FMNL2: variants seen among roughly 807,000 people sequenced by gnomAD.
FMNL2 encodes the protein formin like 2, also known as formin-like protein 2.
In FMNL2, 51 loss-of-function variants were observed where a neutral mutation model predicts 130.2. The observed-to-expected ratio is 0.39, with a 90% CI of 0.31 to 0.49. The LOEUF (loss-of-function observed/expected upper bound fraction) is 0.49, where lower values mean the gene tolerates loss of function less well. Among genes scored for constraint, FMNL2 ranks in the 20% least tolerant of loss-of-function variants. The pLI is 0.85. For synonymous variants in FMNL2, 465 were observed against 467.1 expected (o/e 1.00, Z 0.06); for missense variants, 977 against 1,316.2 (o/e 0.74, Z 3.99).
At chr2:152,426,789 A>T (rs1235732879) in intron 1 of FMNL2, among the ~76,000 whole-genome samples, 4 of 152,200 alleles carry the variant, frequency 2.6e-5, no homozygotes, top group African/African-American at 9.7e-5. Context: ...CCTATTGTCA[A>T]CTTGAATTAC....
chr2:152,431,517 CA>C (rs1687489490), intron 1 of FMNL2, among the ~76,000 whole-genome samples: 1 of 152,164 alleles, frequency 6.6e-6, no homozygotes, highest in South Asian at 2.1e-4. Flanking sequence ...GAAAAAATAG[CA>C]ACATGTTTTT....
At position 152,636,568 on chromosome 2, in the gene FMNL2, AG is replaced by A; in HGVS notation, c.2824del (p.Asp942MetfsTer14). On this transcript the variant is annotated frameshift_variant, in exon 22 of 26. Transcript: ENST00000288670. LOFTEE classifies it high-confidence loss of function. ...AATGAGGGGAAGCTGAAGAAGCTGC[AG>A]GATGATGCCAAGATCGCACAGGCAA... ...LNNEGKLKKLQDDAKIAQDAF... is the reference protein window; with the variant it reads ...LNNEGKLKKLXDDAKIAQDAF... The A allele has an allele frequency of 6.4e-7, 1 of 1,568,140 alleles. No homozygotes were observed. The highest frequency in any genetic ancestry group is 8.7e-7 in the Non-Finnish European group (1 of 1,155,672).
chr2:152,470,559 T>C (rs1204908840), intron 1 of FMNL2, among the ~76,000 whole-genome samples: 2 of 152,210 alleles, frequency 1.3e-5, no homozygotes, highest in African/African-American at 4.8e-5. Flanking sequence ...TGACATTAGA[T>C]ATTATACCCT....
At chr2:152,620,955 C>A (rs1699219709) in intron 15 of FMNL2, 1 of 985,326 alleles carries the variant, frequency 1.0e-6, no homozygotes, top group Non-Finnish European at 1.2e-6. Flanking sequence ...CTACCACTTT[C>A]TTCTAGAACT....
intron 6 of FMNL2, among the ~76,000 whole-genome samples, chr2:152,567,151 A>G (rs1414204993): frequency 6.6e-6 from 1 of 152,218 alleles, no homozygotes; most frequent in Non-Finnish European, 1.5e-5. Context: ...TTCCTTGGAC[A>G]CATTTCACAT....
At chr2:152,644,712 A>C (rs1251485095) in intron 25 of FMNL2, among the ~76,000 whole-genome samples, 1 of 152,184 alleles carries the variant, frequency 6.6e-6, no homozygotes, top group Non-Finnish European at 1.5e-5. Flanking sequence ...GTTCCATGTC[A>C]AACCCAGGCT....
intron 1 of FMNL2, among the ~76,000 whole-genome samples, chr2:152,361,168 CT>C (rs1272473891): frequency 1.3e-5 from 2 of 151,756 alleles, no homozygotes; most frequent in Non-Finnish European, 2.9e-5. Flanking sequence ...TTGTAAAAGG[CT>C]TTTTTTTATT....
chr2:152,493,762 A>C (rs1219133563), intron 1 of FMNL2, among the ~76,000 whole-genome samples: 2 of 152,348 alleles, frequency 1.3e-5, no homozygotes, highest in East Asian at 3.9e-4. Context: ...ATGCTGGCAC[A>C]ATGCTTTGTG....
At chr2:152,624,688 A>C (rs1297821442) in intron 15 of FMNL2, among the ~76,000 whole-genome samples, 1 of 152,114 alleles carries the variant, frequency 6.6e-6, no homozygotes, top group Non-Finnish European at 1.5e-5. Context: ...AAATATAAAA[A>C]TTAGCCAGGC....
intron 1 of FMNL2, among the ~76,000 whole-genome samples, chr2:152,380,740 C>A (rs1294252419): frequency 2.0e-5 from 3 of 152,124 alleles, no homozygotes; most frequent in Non-Finnish European, 2.9e-5. Flanking sequence ...GCTCTATACA[C>A]CCAGTATAGT....
intron 1 of FMNL2, among the ~76,000 whole-genome samples, chr2:152,448,371 G>A (rs891159090): frequency 6.6e-6 from 1 of 152,102 alleles, no homozygotes; most frequent in African/African-American, 2.4e-5. Flanking sequence ...TGTTCAAAGG[G>A]TACCTTTGAC....
In FMNL2 at chr2:152,365,963, G is replaced by A. The variant is rs567506758; in HGVS notation, c.117+30243G>A. 9.8e-4 allele frequency among the ~76,000 whole-genome samples: 149 copies of A among 152,230 alleles called. 1 individual carries two copies. The highest frequency in any genetic ancestry group is 3.5e-3 in the African/African-American group (145 of 41,530). On this transcript the variant is annotated intron_variant, in intron 1 of 25. Transcript: ENST00000288670. ...AGATTCTTATGAAAACCATAGCCAA[G>A]TGCATATACGTATACCCATGTAAAA...
At chr2:152,358,193 T>A (rs973214836) in intron 1 of FMNL2, among the ~76,000 whole-genome samples, 1 of 152,198 alleles carries the variant, frequency 6.6e-6, no homozygotes. Context: ...CTCTTAGATT[T>A]ACACCAGTGA....
intron 15 of FMNL2, 54 bp from the exon 16 acceptor site, chr2:152,625,384 G>C: frequency 6.4e-7 from 1 of 1,565,296 alleles, no homozygotes; most frequent in South Asian, 1.1e-5. Flanking sequence ...GATTGTTCCT[G>C]AGGGTCGTAG....
chr2:152,514,003 A>G lies in FMNL2; in HGVS notation c.118-7940A>G, dbSNP rs2105370347. Among the ~76,000 whole-genome samples the G allele has an allele frequency of 2.6e-5, 4 of 152,228 alleles. No individual in the cohort carries two copies. The South Asian group carries it at 8.3e-4, about 32-fold the overall frequency. ...TTTAGGATGCCAGGTAGTTGTTTGG[A>G]CCATGAATATAGGTCATGGAAGGAA... On this transcript the variant is annotated intron_variant, in intron 1 of 25. Coordinates refer to ENST00000288670, the MANE Select transcript of FMNL2 (RefSeq NM_052905.4).
At chr2:152,548,337 G>A (rs1308590278) in intron 3 of FMNL2, among the ~76,000 whole-genome samples, 2 of 152,194 alleles carry the variant, frequency 1.3e-5, no homozygotes, top group Non-Finnish European at 2.9e-5. Context: ...TGTTTGACGG[G>A]GGAAAGTTCC....
At chr2:152,517,305 T>A (rs947842768) in intron 1 of FMNL2, among the ~76,000 whole-genome samples, 1 of 152,196 alleles carries the variant, frequency 6.6e-6, no homozygotes, top group African/African-American at 2.4e-5. Flanking sequence ...TCATTAAGGA[T>A]ATTTGCAGGC....
chr2:152,611,889 C>T (rs1033745189), intron 11 of FMNL2, among the ~76,000 whole-genome samples: 7 of 152,168 alleles, frequency 4.6e-5, no homozygotes, highest in African/African-American at 9.7e-5. Context: ...TTTTGAGCTT[C>T]ATCTGGGTCA....
chr2:152,428,623 A>T (rs1687311892), intron 1 of FMNL2, among the ~76,000 whole-genome samples: 1 of 152,208 alleles, frequency 6.6e-6, no homozygotes, highest in Non-Finnish European at 1.5e-5. Context: ...TCCTGAAATG[A>T]TACCATTTTA....
Sources: allele counts gnomAD v4.1 joint callset (sites outside exome capture counted in the v4.1 genomes callset), GRCh38; gene constraint gnomAD v4.1.1; transcripts MANE v1.5; gene names NCBI Gene and HGNC (gene_info 2026-07-23, HGNC 2026-07-21).